ICE1: variants seen among roughly 807,000 people sequenced by gnomAD.
ICE1 encodes the protein interactor of little elongation complex ELL subunit 1.
ICE1 carries 64 observed loss-of-function variants against 192.7 expected under a neutral mutation model. That is an observed-to-expected ratio of 0.33 (90% CI 0.27 to 0.41). The LOEUF is 0.41. ICE1 is among the 10% of genes least tolerant of loss of function. The pLI, the probability that ICE1 is intolerant of heterozygous loss-of-function variation, is 1.00. For synonymous variants in ICE1, 1,010 were observed against 984.5 expected (o/e 1.03, Z -0.49); for missense variants, 2,708 against 2,696.0 (o/e 1.00, Z -0.10).
In ICE1 at chr5:5,460,466, A is replaced by G; in HGVS notation, c.1132A>G (p.Ser378Gly). 6.2e-7 allele frequency: 1 copy of G among 1,600,422 alleles called. No homozygotes were observed. Among genetic ancestry groups the G allele is most frequent in the South Asian group, 1.1e-5 (1 of 89,138 alleles). Residue 378 changes from serine to glycine, a missense_variant, in exon 13 of 19, where the codon AGC becomes GGC. By Grantham distance (56) the Ser-to-Gly change is moderately conservative. Around this residue, in one of 2 missense-constraint regions of ICE1, gnomAD observed 2,366 missense variants for 2,276.6 expected, o/e 1.04. Transcript: ENST00000296564. ...CTACTTTGGAGAATACACAGATTCC[A>G]GCGATAATGACTCAGTCCAGCTTAG... Reference protein sequence around the residue: ...ETYFGEYTDSSDNDSVQLRNS... With the variant: ...ETYFGEYTDSGDNDSVQLRNS...
intron 4 of ICE1, 123 bp from the exon 5 acceptor site, chr5:5,440,988 TA>T: frequency 1.6e-6 from 1 of 616,616 alleles, no homozygotes; most frequent in Non-Finnish European, 2.9e-6. Context: ...GAAGTGCATT[TA>T]AAAAGACTTT....
chr5:5,460,704 C>CCTTAGTTGGTGAAAAACACTGTA lies in ICE1; in HGVS notation c.1391_1392insTACTTAGTTGGTGAAAAACACTG (p.Trp464CysfsTer3), dbSNP rs1738743287. The CCTTAGTTGGTGAAAAACACTGTA allele has an allele frequency of 6.2e-7, 1 of 1,613,792 alleles. No individual in the cohort carries two copies. The highest frequency in any genetic ancestry group is 8.5e-7 in the Non-Finnish European group (1 of 1,179,908). On this transcript the variant is annotated frameshift_variant, in exon 13 of 19. Transcript: ENST00000296564. LOFTEE classifies it high-confidence loss of function. ...CTGAGAGAATCTTCTGCCACACACT[C>CCTTAGTTGGTGAAAAACACTGTA]CTTAGTTGGTGAAAAACACTGGACC...
At chr5:5,448,143 A>T (rs1455665788) in intron 10 of ICE1, among the ~76,000 whole-genome samples, 3 of 152,208 alleles carry the variant, frequency 2.0e-5, no homozygotes, top group Non-Finnish European at 4.4e-5. Flanking sequence ...CTAGTTGGAG[A>T]TATAACATCT....
Position 5,489,200 on chromosome 5 carries a change from G to A in ICE1, c.6671G>A (p.Ser2224Asn). 6.2e-7 allele frequency: 1 copy of A among 1,613,938 alleles called. No homozygotes were observed. Among genetic ancestry groups the A allele is most frequent in the Non-Finnish European group, 8.5e-7 (1 of 1,179,876 alleles). ...GCCGTGTATGCTCTTTGTGACTTGA[G>A]TCCCAGCAATCCAGCAGAAATTTCC... ...LAAVYALCDL[S>N]PSNPAEISKI... Residue 2224 changes from serine (S) to asparagine (N), a missense_variant, in exon 19 of 19, where the codon AGT (serine) becomes AAT (asparagine). Ser to Asn is a conservative substitution (Grantham distance 46). Coordinates refer to ENST00000296564, the MANE Select transcript of ICE1 (RefSeq NM_015325.3).
At chr5:5,480,577 C>T (rs1739476778) in intron 17 of ICE1, among the ~76,000 whole-genome samples, 1 of 152,110 alleles carries the variant, frequency 6.6e-6, no homozygotes, top group African/African-American at 2.4e-5. Flanking sequence ...TCACAGATAG[C>T]ATCATTTGAA....
chr5:5,463,805 T>A lies in ICE1; in HGVS notation c.4471T>A (p.Cys1491Ser). 6.2e-7 allele frequency: 1 copy of A among 1,614,016 alleles called. No individual in the cohort carries two copies. The highest frequency in any genetic ancestry group is 8.5e-7 in the Non-Finnish European group (1 of 1,179,890). The change falls in exon 13 of 19, where the codon TGT becomes AGT. Residue 1491 changes from cysteine (C) to serine (S), a missense_variant. By Grantham distance (112) the Cys-to-Ser change is moderately radical (BLOSUM62 -1). Transcript: ENST00000296564. ...QEAPCGNNLS[C>S]PQEDVSSSGQ... is the part of the protein sequence containing the mutation. ...GGCTCCATGTGGCAATAATCTTTCA[T>A]GTCCCCAAGAGGATGTTTCAAGCAG... is the stretch of plus-strand genomic sequence containing the variant.
rs1188220361 is a variant in ICE1 at position 5,447,526 on chromosome 5, G to A, written c.507+17G>A. ...AAGACACAGGTACTAGATAAAAGCAGCATACACACACCTTAAATACGTGGC... is the reference window on the plus strand; with the variant it reads ...AAGACACAGGTACTAGATAAAAGCAACATACACACACCTTAAATACGTGGC... On this transcript the variant is annotated intron_variant, in intron 8 of 18. Transcript: ENST00000296564. 6.6e-7 allele frequency: 1 copy of A among 1,523,522 alleles called. No individual in the cohort carries two copies. Among genetic ancestry groups the A allele is most frequent in the Non-Finnish European group, 8.9e-7 (1 of 1,122,672 alleles). 94.4% of individuals were successfully genotyped at this position (1,523,522 alleles called of 1,614,324 possible). A position where few individuals can be genotyped will look rare whatever the true frequency, so the allele number is the denominator to read the frequency against.
rs1737342440 is a variant in ICE1, at chr5:5,422,738, CTGG to C, written c.-177_-175del. ...TTTCTTTTTAGTGCCTGAGGCAGCT[CTGG>C]CTCGGAGAGCCTTTTGCTAGCCCCA... On this transcript the variant is annotated 5_prime_UTR_variant, in exon 1 of 19. Transcript: ENST00000296564. 2.7e-6 allele frequency: 1 copy of C among 375,410 alleles called. No individual in the cohort carries two copies. Among genetic ancestry groups the C allele is most frequent in the Non-Finnish European group, 4.7e-6 (1 of 214,660 alleles). The allele number at this position is 375,410 out of a possible 1,614,324, so 23.3% of individuals were successfully genotyped here.
At chr5:5,442,729 A>G (rs1738085496) in intron 5 of ICE1, among the ~76,000 whole-genome samples, 1 of 152,230 alleles carries the variant, frequency 6.6e-6, no homozygotes, top group Non-Finnish European at 1.5e-5. Context: ...TTCCCATTTT[A>G]TAGTAGCTGC....
Position 5,462,543 on chromosome 5 carries a change from C to T in ICE1, c.3209C>T (p.Thr1070Ile), listed in dbSNP as rs1285792630. 3 of 1,614,018 alleles carry T rather than the reference C, an allele frequency of 1.9e-6. No individual in the cohort carries two copies. The highest frequency in any genetic ancestry group is 2.5e-6 in the Non-Finnish European group (3 of 1,179,894). Residue 1070 changes from threonine to isoleucine, a missense_variant, in exon 13 of 19, where the codon ACT becomes ATT. Physicochemically the swap from Thr to Ile is moderately conservative, Grantham distance 89. This residue lies in a region of ICE1 where 2,366 missense variants were observed against 2,276.6 expected (regional missense o/e 1.04). Transcript: ENST00000296564. ...LPECFGTTDT[T>I]FSSAFCRKHG... is the part of the protein sequence containing the mutation. ...GAGTGTTTTGGCACCACAGACACTA[C>T]TTTTTCTTCAGCATTTTGCAGAAAA...
intron 17 of ICE1, among the ~76,000 whole-genome samples, chr5:5,485,499 C>G (rs1187825066): frequency 6.6e-6 from 1 of 152,170 alleles, no homozygotes; most frequent in East Asian, 1.9e-4. Flanking sequence ...CTTTTACTAG[C>G]CTTTTCAAAT....
intron 7 of ICE1, 133 bp from the exon 8 acceptor site, chr5:5,447,294 T>G: frequency 1.6e-6 from 1 of 644,414 alleles, no homozygotes; most frequent in African/African-American, 1.9e-5. Flanking sequence ...GCAATGGCTT[T>G]TTACGAAATT....
rs764210394 is a variant in ICE1 at position 5,461,263 on chromosome 5, T to C, written c.1929T>C (p.Ser643=). Residue 643 remains serine, a synonymous_variant, in exon 13 of 19, where the codon AGT becomes AGC. Transcript: ENST00000296564. The part of the protein sequence containing the change: ...SSTLVALSVG[S]NPQSSSGLDC... The stretch of plus-strand genomic sequence containing the variant: ...CCTTGGTAGCATTGTCTGTTGGCAG[T>C]AATCCCCAGTCTTCTTCTGGGTTAG... 6 of 1,613,860 alleles carry C rather than the reference T, an allele frequency of 3.7e-6. No individual in the cohort carries two copies. The highest frequency in any genetic ancestry group is 5.1e-6 in the Non-Finnish European group (6 of 1,179,892).
intron 1 of ICE1, among the ~76,000 whole-genome samples, chr5:5,433,650 A>G (rs1737788636): frequency 6.6e-6 from 1 of 152,220 alleles, no homozygotes; most frequent in African/African-American, 2.4e-5. Flanking sequence ...GGCCCACTCT[A>G]GTCCAGTATG....
At chr5:5,469,755 A>G (rs1739101298) in intron 15 of ICE1, among the ~76,000 whole-genome samples, 1 of 152,172 alleles carries the variant, frequency 6.6e-6, no homozygotes, top group Admixed American at 6.5e-5. Flanking sequence ...CGTAAAGGAA[A>G]GAGCTTTTGG....
chr5:5,422,812 G>A lies in ICE1; in HGVS notation c.-104G>A, dbSNP rs935958567. The A allele has an allele frequency of 6.9e-5, 58 of 835,422 alleles. No individual in the cohort carries two copies. Among genetic ancestry groups the A allele is most frequent in the Non-Finnish European group, 8.6e-5 (54 of 630,174 alleles). The allele number at this position is 835,422 out of a possible 1,614,324, so 51.8% of individuals were successfully genotyped here. ...TGGACCCGCCCGGACCTGGCGGGAA[G>A]CGGCCTGGCAGGCGGCGGCCCCGGC... On this transcript the variant is annotated 5_prime_UTR_variant, in exon 1 of 19. Coordinates refer to ENST00000296564, the MANE Select transcript of ICE1 (RefSeq NM_015325.3).
chr5:5,471,132 A>T (rs1259219702), intron 15 of ICE1, among the ~76,000 whole-genome samples: 14 of 152,346 alleles, frequency 9.2e-5, no homozygotes, highest in Admixed American at 4.6e-4. Context: ...TAGATAGCTG[A>T]CAGTGCAGAT....
Position 5,422,861 on chromosome 5 carries a change from G to A in ICE1, c.-55G>A. The A allele has an allele frequency of 1.6e-6, 2 of 1,237,304 alleles. No individual in the cohort carries two copies. The highest frequency in any genetic ancestry group is 2.0e-6 in the Non-Finnish European group (2 of 979,526). 76.6% of individuals were successfully genotyped at this position (1,237,304 alleles called of 1,614,324 possible). On this transcript the variant is annotated 5_prime_UTR_variant, in exon 1 of 19. Coordinates refer to ENST00000296564, the MANE Select transcript of ICE1 (RefSeq NM_015325.3). ...GCGGCATCAGCAGAGACAGGACGGGGCCGACGCCGCGGGCCCCTGAGGCGT... is the reference window on the plus strand; with the variant it reads ...GCGGCATCAGCAGAGACAGGACGGGACCGACGCCGCGGGCCCCTGAGGCGT...
At position 5,457,749 on chromosome 5, in the gene ICE1, T is replaced by G. The variant is rs756832517; in HGVS notation, c.1101+8T>G. 3.1e-6 allele frequency: 5 copies of G among 1,604,988 alleles called. No individual in the cohort carries two copies. On this transcript the variant is annotated splice_region_variant and intron_variant, in intron 12 of 18. Transcript: ENST00000296564. Reference sequence around the variant, plus strand: ...CCGTCTTCATTTGCACCTGTGAGTTTTGCTCTCTGAATTTGAATTACCAAG... The same window carrying G: ...CCGTCTTCATTTGCACCTGTGAGTTGTGCTCTCTGAATTTGAATTACCAAG...
Sources: allele counts gnomAD v4.1 joint callset (sites outside exome capture counted in the v4.1 genomes callset), GRCh38; gene constraint gnomAD v4.1.1; regional missense constraint gnomAD v4.1.1; transcripts MANE v1.5; gene names NCBI Gene and HGNC (gene_info 2026-07-23, HGNC 2026-07-21).